JAKMIP1: variants seen among roughly 807,000 people sequenced by gnomAD.
JAKMIP1 encodes the protein janus kinase and microtubule-interacting protein 1.
In JAKMIP1, 33 loss-of-function variants were observed where a neutral mutation model predicts 113.0. The observed-to-expected ratio is 0.29, with a 90% CI of 0.22 to 0.39. The LOEUF (loss-of-function observed/expected upper bound fraction) is 0.39. Ranked by LOEUF, JAKMIP1 falls within the 10% of genes least tolerant of loss-of-function variation. The pLI is 1.00. For missense variants in JAKMIP1, 813 were observed against 1,080.5 expected (o/e 0.75, Z 3.47); for synonymous variants, 480 against 459.9 (o/e 1.04, Z -0.56).
In JAKMIP1 at chr4:6,093,781, T is replaced by C. The variant is rs1490507235; in HGVS notation, c.625-8152A>G. ...CTTACTTGGGAAGAGGTCACTTTCC[T>C]CAAAGAAGGAGCCAGGTTTGCCCGT... On this transcript the variant is annotated intron_variant, in intron 3 of 20. Coordinates refer to ENST00000409021, the MANE Select transcript of JAKMIP1 (RefSeq NM_001099433.2). The surrounding 1 kb of genome is among the most constrained non-coding windows in gnomAD (Gnocchi z 4.6). 6.6e-6 allele frequency among the ~76,000 whole-genome samples: 1 copy of C among 152,096 alleles called. No homozygotes were observed.
chr4:6,125,000 CT>C (rs1272608679), intron 1 of JAKMIP1, among the ~76,000 whole-genome samples: 2 of 152,168 alleles, frequency 1.3e-5, no homozygotes, highest in Non-Finnish European at 2.9e-5. Flanking sequence ...AGGTCAGGGG[CT>C]GTAGGTCACA....
rs1033040985 is a variant in JAKMIP1, at chr4:6,185,613, A to T, written c.-148+14640T>A. Among the ~76,000 whole-genome samples, 1 of 152,002 alleles carries T rather than the reference A, an allele frequency of 6.6e-6. No homozygotes were observed. Among genetic ancestry groups the T allele is most frequent in the South Asian group, 2.1e-4 (1 of 4,820 alleles). ...CAGTGAGCTGAGATCACGCCACTGCACTCCAGCCTGAGCGACAGAGGAAGA... is the reference window on the plus strand; with the variant it reads ...CAGTGAGCTGAGATCACGCCACTGCTCTCCAGCCTGAGCGACAGAGGAAGA... On this transcript the variant is annotated intron_variant, in intron 1 of 20. Coordinates refer to ENST00000409021, the MANE Select transcript of JAKMIP1 (RefSeq NM_001099433.2). This position sits in a 1 kb window ranked among gnomAD's most constrained non-coding sequence, Gnocchi z 5.3.
chr4:6,090,883 C>T (rs114235837), intron 3 of JAKMIP1, among the ~76,000 whole-genome samples: 5 of 151,904 alleles, frequency 3.3e-5, no homozygotes, highest in Admixed American at 6.6e-5. Context: ...CAAAACCCCA[C>T]GTTGACCATG....
chr4:6,080,288 A>T lies in JAKMIP1; in HGVS notation c.1126T>A (p.Ser376Thr). ...EMKEKLSAQA[S>T]LKRHTSLNDL... is the part of the protein sequence containing the mutation. ...TTCAAGGAGGTATGCCGCTTCAGAG[A>T]CGCCTGCGCTGACAGCTTTTCTTTC... The change falls in exon 7 of 21, where the codon TCT (serine) becomes ACT (threonine). Residue 376 changes from serine to threonine, a missense_variant. Ser to Thr is a moderately conservative substitution (Grantham distance 58). Transcript: ENST00000409021. The surrounding 1 kb of genome is among the most constrained non-coding windows in gnomAD (Gnocchi z 6.0). The T allele has an allele frequency of 1.2e-6, 2 of 1,614,074 alleles. No individual in the cohort carries two copies. Among genetic ancestry groups the T allele is most frequent in the Non-Finnish European group, 1.7e-6 (2 of 1,179,964 alleles).
At chr4:6,054,588 G>A (rs900276433) in intron 12 of JAKMIP1, among the ~76,000 whole-genome samples, 1 of 152,080 alleles carries the variant, frequency 6.6e-6, no homozygotes, top group Non-Finnish European at 1.5e-5. Context: ...AGCCAGCTGC[G>A]GCAGGGAGGG....
rs571575325 is a variant in JAKMIP1 at position 6,106,199 on chromosome 4, C to A, written c.130-232G>T. ...TGAGACTTTCCCTGGGGGTGGAAAC[C>A]CCCTGAGGATGCTGGAGAGGCATTC... On this transcript the variant is annotated intron_variant, in intron 2 of 20. Transcript: ENST00000409021. The surrounding 1 kb of genome is among the most constrained non-coding windows in gnomAD (Gnocchi z 5.9). Among the ~76,000 whole-genome samples the A allele has an allele frequency of 1.2e-4, 18 of 152,330 alleles. No homozygotes were observed. In the Middle Eastern group the frequency reaches 0.01, roughly 86 times the overall value.
At chr4:6,102,722 CTTTTTTTTTTTTTT>C (rs1191358910) in intron 3 of JAKMIP1, among the ~76,000 whole-genome samples, 57 of 50,842 alleles carry the variant, frequency 1.1e-3, no homozygotes, top group Admixed American at 4.0e-3. Flanking sequence ...TCTCTAAAGA[CTTTTTTTTTTTTTT>C]TTTTTTTTTT....
rs868413601 is a variant in JAKMIP1, at chr4:6,176,620, A to G, written c.-148+23633T>C. On this transcript the variant is annotated intron_variant, in intron 1 of 20. Transcript: ENST00000409021. This position sits in a 1 kb window ranked among gnomAD's most constrained non-coding sequence, Gnocchi z 5.5. ...GCTGGGAGATAACTCCATGTTTACA[A>G]ATGGGGAAACTGAGGCTTGCAGTGG... Among the ~76,000 whole-genome samples, 2 of 152,272 alleles carry G rather than the reference A, an allele frequency of 1.3e-5. No individual in the cohort carries two copies. The highest frequency in any genetic ancestry group is 4.1e-4 in the South Asian group (2 of 4,826).
rs770096246 is a variant in JAKMIP1 at position 6,181,909 on chromosome 4, G to A, written c.-148+18344C>T. ...AGGGAGGGACCCGCCCTGGCCTTGG[G>A]AGGATGGGTGATGCCCAAGGAGATG... On this transcript the variant is annotated intron_variant, in intron 1 of 20. Transcript: ENST00000409021. This position sits in a 1 kb window ranked among gnomAD's most constrained non-coding sequence, Gnocchi z 5.4. Among the ~76,000 whole-genome samples the A allele has an allele frequency of 5.1e-4, 77 of 152,102 alleles. No homozygotes were observed. Among genetic ancestry groups the A allele is most frequent in the Non-Finnish European group, 9.6e-4 (65 of 68,032 alleles).
At position 6,088,947 on chromosome 4, in the gene JAKMIP1, A is replaced by C. The variant is rs1440555494; in HGVS notation, c.625-3318T>G. Among the ~76,000 whole-genome samples, 1 of 152,168 alleles carries C rather than the reference A, an allele frequency of 6.6e-6. No individual in the cohort carries two copies. The highest frequency in any genetic ancestry group is 1.5e-5 in the Non-Finnish European group (1 of 68,036). ...ACTGCAAGTTCCCAGGGCAGTCCCC[A>C]ATTGGCTCATGCCACCCAAATGTCC... On this transcript the variant is annotated intron_variant, in intron 3 of 20. Coordinates refer to ENST00000409021, the MANE Select transcript of JAKMIP1 (RefSeq NM_001099433.2). This position sits in a 1 kb window ranked among gnomAD's most constrained non-coding sequence, Gnocchi z 5.5.
intron 16 of JAKMIP1, among the ~76,000 whole-genome samples, chr4:6,047,490 G>A (rs1262982866): frequency 2.6e-5 from 4 of 152,212 alleles, no homozygotes; most frequent in African/African-American, 2.4e-5. Context: ...CAGCCGGCCA[G>A]GTGTGAGTCA....
Position 6,143,119 on chromosome 4 carries a change from C to T in JAKMIP1, c.-147-30122G>A, listed in dbSNP as rs1720392500. On this transcript the variant is annotated intron_variant, in intron 1 of 20. Coordinates refer to ENST00000409021, the MANE Select transcript of JAKMIP1 (RefSeq NM_001099433.2). This position sits in a 1 kb window ranked among gnomAD's most constrained non-coding sequence, Gnocchi z 4.9. ...TCTCAGCCTCTCTGAGCCTCTGCCA[C>T]CCACCTATTAAGCAGAAAGCAGCAC... 6.6e-6 allele frequency among the ~76,000 whole-genome samples: 1 copy of T among 152,208 alleles called. No homozygotes were observed. Among genetic ancestry groups the T allele is most frequent in the African/African-American group, 2.4e-5 (1 of 41,448 alleles).
intron 1 of JAKMIP1, among the ~76,000 whole-genome samples, chr4:6,117,903 T>C (rs1716073324): frequency 1.3e-5 from 2 of 152,272 alleles, no homozygotes; most frequent in Admixed American, 6.5e-5. Context: ...TCTTATTCCC[T>C]GAACAATTGC....
chr4:6,192,911 G>T lies in JAKMIP1; in HGVS notation c.-148+7342C>A, dbSNP rs1196894291. Among the ~76,000 whole-genome samples, 1 of 152,200 alleles carries T rather than the reference G, an allele frequency of 6.6e-6. No homozygotes were observed. Among genetic ancestry groups the T allele is most frequent in the African/African-American group, 2.4e-5 (1 of 41,456 alleles). Reference sequence around the variant, plus strand: ...GACATTGTGATGGTTAATATTGAGTGTCAACTTGATTGGTGAAGGATGCAA... The same window carrying T: ...GACATTGTGATGGTTAATATTGAGTTTCAACTTGATTGGTGAAGGATGCAA... On this transcript the variant is annotated intron_variant, in intron 1 of 20. Coordinates refer to ENST00000409021, the MANE Select transcript of JAKMIP1 (RefSeq NM_001099433.2). This position sits in a 1 kb window ranked among gnomAD's most constrained non-coding sequence, Gnocchi z 5.0.
chr4:6,132,016 G>C (rs760410026), intron 1 of JAKMIP1, among the ~76,000 whole-genome samples: 2 of 152,112 alleles, frequency 1.3e-5, no homozygotes, highest in Non-Finnish European at 2.9e-5. Context: ...CATAAAGAAA[G>C]GAAGAATTTT....
chr4:6,098,790 T>C (rs73198054), intron 3 of JAKMIP1, among the ~76,000 whole-genome samples: 1 of 149,678 alleles, frequency 6.7e-6, no homozygotes, highest in African/African-American at 2.5e-5. Flanking sequence ...AAAGAAAGAT[T>C]GATTCCTGAT....
At chr4:6,122,829 G>A (rs531166586) in intron 1 of JAKMIP1, among the ~76,000 whole-genome samples, 26 of 152,286 alleles carry the variant, frequency 1.7e-4, no homozygotes, top group African/African-American at 6.3e-4. Context: ...CTTACTAGCT[G>A]TGTGACCTCA....
In JAKMIP1 at chr4:6,178,495, T is replaced by C. The variant is rs1169597105; in HGVS notation, c.-148+21758A>G. Reference sequence around the variant, plus strand: ...GCAATTTTATCAGAAATTATTTGTGTCTGTGGGTGTGTTTGGTGGGGAATT... The same window carrying C: ...GCAATTTTATCAGAAATTATTTGTGCCTGTGGGTGTGTTTGGTGGGGAATT... On this transcript the variant is annotated intron_variant, in intron 1 of 20. Transcript: ENST00000409021. The surrounding 1 kb of genome is among the most constrained non-coding windows in gnomAD (Gnocchi z 5.5). Among the ~76,000 whole-genome samples the C allele has an allele frequency of 2.0e-5, 3 of 152,354 alleles. No individual in the cohort carries two copies. The highest frequency in any genetic ancestry group is 1.5e-5 in the Non-Finnish European group (1 of 68,034).
At chr4:6,121,304 G>A (rs1027479170) in intron 1 of JAKMIP1, among the ~76,000 whole-genome samples, 2 of 152,020 alleles carry the variant, frequency 1.3e-5, no homozygotes, top group Non-Finnish European at 2.9e-5. Context: ...CTTGACCCAG[G>A]ATTTTTCCTA....
Sources: allele counts gnomAD v4.1 joint callset (sites outside exome capture counted in the v4.1 genomes callset), GRCh38; gene constraint gnomAD v4.1.1; non-coding constraint Gnocchi (gnomAD v3.1); transcripts MANE v1.5; gene names NCBI Gene and HGNC (gene_info 2026-07-23, HGNC 2026-07-21).